The following PICALM variants were observed in gnomAD, a reference collection of about 807,000 sequenced individuals.
The protein encoded by PICALM is phosphatidylinositol binding clathrin assembly protein.
Under a neutral mutation model 80.5 loss-of-function variants are expected in PICALM, and 40 were observed. The observed-to-expected ratio is 0.50, with a 90% CI of 0.39 to 0.65. PICALM has a LOEUF of 0.65. Ranked by LOEUF, PICALM falls within the 30% of genes least tolerant of loss-of-function variation. The pLI, the probability that PICALM is intolerant of heterozygous loss-of-function variation, is 0.00. For synonymous variants in PICALM, 288 were observed against 260.3 expected (o/e 1.11, Z -1.02); for missense variants, 676 against 778.9 (o/e 0.87, Z 1.57).
At chr11:86,012,855 A>G (rs924226265) in intron 5 of PICALM, among the ~76,000 whole-genome samples, 1 of 152,170 alleles carries the variant, frequency 6.6e-6, no homozygotes, top group Non-Finnish European at 1.5e-5. Flanking sequence ...AATAAAGTAA[A>G]TGAAAACAAT....
In PICALM at chr11:86,031,514, G is replaced by C. The variant is rs755598180; in HGVS notation, c.228C>G (p.Phe76Leu). Residue 76 changes from phenylalanine to leucine, a missense_variant, in exon 2 of 20, where the codon TTC (phenylalanine) becomes TTG (leucine). By Grantham distance (22) the Phe-to-Leu change is conservative. Coordinates refer to ENST00000393346, the MANE Select transcript of PICALM (RefSeq NM_007166.4). ...RTTNSSWVVV[F>L]KSLITTHHLM... Reference sequence around the variant, plus strand: ...AATGATGAGTTGTAATGAGAGATTTGAAGACCACCACCCAACTACTATTAG... The same window carrying C: ...AATGATGAGTTGTAATGAGAGATTTCAAGACCACCACCCAACTACTATTAG... 6.2e-7 allele frequency: 1 copy of C among 1,612,834 alleles called. No individual in the cohort carries two copies. Among genetic ancestry groups the C allele is most frequent in the Non-Finnish European group, 8.5e-7 (1 of 1,179,456 alleles).
In PICALM at chr11:86,001,158, C is replaced by T; in HGVS notation, c.894G>A (p.Arg298=). ...ACACTGCATTGGAAAGTGTAGTTGC[C>T]CTAGGATAATTGAACAGAGATAATT... The part of the protein sequence containing the change: ...KKIKDSTAAS[R]ATTLSNAVSS... The change falls in exon 10 of 20, where the codon AGG becomes AGA. Residue 298 remains arginine (R), a splice_region_variant and synonymous_variant. Coordinates refer to ENST00000393346, the MANE Select transcript of PICALM (RefSeq NM_007166.4). The T allele has an allele frequency of 6.2e-7, 1 of 1,612,546 alleles. No homozygotes were observed. The highest frequency in any genetic ancestry group is 8.5e-7 in the Non-Finnish European group (1 of 1,179,464).
At chr11:86,004,838 C>G (rs921998895) in intron 8 of PICALM, among the ~76,000 whole-genome samples, 4 of 152,128 alleles carry the variant, frequency 2.6e-5, no homozygotes, top group Non-Finnish European at 4.4e-5. Flanking sequence ...AGTAGAAAAC[C>G]ATTTAAAACC....
chr11:86,053,454 C>T (rs12221866), intron 1 of PICALM, among the ~76,000 whole-genome samples: 5,778 of 152,306 alleles, frequency 0.038, 235 homozygotes, highest in East Asian at 0.21. Context: ...CAGGGTGCTG[C>T]TCAATTCATG....
intron 5 of PICALM, among the ~76,000 whole-genome samples, chr11:86,013,481 A>T (rs2095432090): frequency 6.6e-6 from 1 of 152,164 alleles, no homozygotes; most frequent in Admixed American, 6.5e-5. Flanking sequence ...AGGTTTACAA[A>T]TAGAAACACA....
At chr11:85,980,532 A>C (rs1342421283) in intron 17 of PICALM, among the ~76,000 whole-genome samples, 1 of 152,232 alleles carries the variant, frequency 6.6e-6, no homozygotes, top group Non-Finnish European at 1.5e-5. Context: ...TAACTGCCAC[A>C]AATAATGAGT....
At chr11:85,962,961 A>G (rs1457104778) in intron 19 of PICALM, among the ~76,000 whole-genome samples, 1 of 152,218 alleles carries the variant, frequency 6.6e-6, no homozygotes, top group Non-Finnish European at 1.5e-5. Flanking sequence ...AGAGAAGGAA[A>G]GGAAATGTGC....
At chr11:86,065,678 G>A (rs771565353) in intron 1 of PICALM, among the ~76,000 whole-genome samples, 1 of 152,058 alleles carries the variant, frequency 6.6e-6, no homozygotes, top group Non-Finnish European at 1.5e-5. Context: ...AAGATTAAAC[G>A]GAAATCGTGT....
At chr11:86,044,449 T>G (rs1358768241) in intron 1 of PICALM, among the ~76,000 whole-genome samples, 1 of 152,218 alleles carries the variant, frequency 6.6e-6, no homozygotes, top group Non-Finnish European at 1.5e-5. Flanking sequence ...CGTCTCTTGG[T>G]AATTTTGCAA....
At chr11:85,965,807 GTTTTTTTGT>G (rs1476578283) in intron 19 of PICALM, among the ~76,000 whole-genome samples, 11 of 79,260 alleles carry the variant, frequency 1.4e-4, no homozygotes, top group Non-Finnish European at 2.1e-4. Context: ...TACCCATTTT[GTTTTTTTGT>G]TTTTTTTTTT....
intron 1 of PICALM, among the ~76,000 whole-genome samples, chr11:86,049,374 T>A (rs2096137241): frequency 6.6e-6 from 1 of 152,212 alleles, no homozygotes; most frequent in African/African-American, 2.4e-5. Context: ...TATTTTATCT[T>A]TGATATTCAG....
chr11:86,045,159 A>C (rs1353654796), intron 1 of PICALM, among the ~76,000 whole-genome samples: 1 of 152,214 alleles, frequency 6.6e-6, no homozygotes, highest in African/African-American at 2.4e-5. Context: ...TATCACTATA[A>C]AATAAAGCCA....
chr11:85,972,119 T>C (rs1262937873), intron 19 of PICALM, among the ~76,000 whole-genome samples: 2 of 151,688 alleles, frequency 1.3e-5, no homozygotes, highest in Non-Finnish European at 2.9e-5. Flanking sequence ...TTTGCCAACA[T>C]TAAAAAAAAA....
At chr11:86,061,566 C>T (rs1487095288) in intron 1 of PICALM, among the ~76,000 whole-genome samples, 1 of 152,012 alleles carries the variant, frequency 6.6e-6, no homozygotes, top group Non-Finnish European at 1.5e-5. Flanking sequence ...CACTACACAC[C>T]TATTAGAATG....
At chr11:86,020,424 GAAAAAAA>G (rs34312370) in intron 4 of PICALM, among the ~76,000 whole-genome samples, 1,651 of 94,256 alleles carry the variant, frequency 0.018, 48 homozygotes, top group African/African-American at 0.06. Flanking sequence ...ACAATCTTGG[GAAAAAAA>G]AAAAAAAAAA....
In PICALM at chr11:86,014,431, C is replaced by T. The variant is rs190453630; in HGVS notation, c.546+439G>A. Among the ~76,000 whole-genome samples the T allele has an allele frequency of 5.3e-4, 80 of 152,302 alleles. No homozygotes were observed. In the Middle Eastern group the frequency reaches 0.014, roughly 26 times the overall value. Reference sequence around the variant, plus strand: ...AACAAAAATTCCAGCGAACACAATGCCCTTGGGCAATAGCTACATAATAAG... The same window carrying T: ...AACAAAAATTCCAGCGAACACAATGTCCTTGGGCAATAGCTACATAATAAG... On this transcript the variant is annotated intron_variant, in intron 5 of 19. Coordinates refer to ENST00000393346, the MANE Select transcript of PICALM (RefSeq NM_007166.4).
chr11:85,983,825 T>C (rs1015615917), intron 14 of PICALM, 41 bp downstream of exon 14: 1 of 793,486 alleles, frequency 1.3e-6, no homozygotes, highest in Non-Finnish European at 2.1e-6. Context: ...GAATCTAAAT[T>C]AGGACATTAT....
chr11:86,004,774 T>C (rs773214074), intron 8 of PICALM, among the ~76,000 whole-genome samples: 58 of 152,214 alleles, frequency 3.8e-4, no homozygotes, highest in Non-Finnish European at 6.2e-4. Context: ...CTTTAACAAC[T>C]TCTTTCATCC....
intron 19 of PICALM, among the ~76,000 whole-genome samples, chr11:85,966,289 C>T (rs2093895372): frequency 6.6e-6 from 1 of 152,074 alleles, no homozygotes; most frequent in African/African-American, 2.4e-5. Flanking sequence ...TAACTGTAGC[C>T]TCCAATTCCT....
Sources: gnomAD v4.1 joint callset for allele counts (sites outside exome capture counted in the v4.1 genomes callset) on GRCh38, gnomAD v4.1.1 for gene constraint, MANE v1.5 for transcripts, NCBI Gene and HGNC (gene_info 2026-07-23, HGNC 2026-07-21) for gene names.